Variants in PABPC4L observed in about 807,000 individuals in gnomAD.
PABPC4L encodes polyadenylate-binding protein 4-like.
For synonymous variants in PABPC4L, 169 were observed against 164.1 expected, an observed-to-expected ratio of 1.03 and a Z score of -0.23; for missense variants, 452 against 451.4, an observed-to-expected ratio of 1.00 and a Z score of -0.01.
chr4:133,998,896 T>C, the PABPC4L span, among the ~76,000 whole-genome samples: 3 of 152,168 alleles, frequency 2.0e-5, no homozygotes, highest in Non-Finnish European at 2.9e-5. Context: ...ACTAAGTTGC[T>C]TGGGTAAACA....
the PABPC4L span, among the ~76,000 whole-genome samples, chr4:134,103,731 T>C: frequency 1.3e-5 from 2 of 151,750 alleles, no homozygotes; most frequent in South Asian, 4.1e-4. Flanking sequence ...ACTATTCTGT[T>C]TCCATGACTA....
In PABPC4L at chr4:134,197,860, C is replaced by T. The variant is rs1398685757; in HGVS notation, c.*2047G>A. ...ACAATGACAATGGAAATGTAAGTGC[C>T]ACAAGTATTCTGGACAGCATTTAAG... On this transcript the variant is annotated 3_prime_UTR_variant, in exon 2 of 2. Coordinates refer to ENST00000421491, the MANE Select transcript of PABPC4L (RefSeq NM_001114734.2). 2 of 151,674 alleles carry T rather than the reference C, an allele frequency of 1.3e-5. No individual in the cohort carries two copies. The highest frequency in any genetic ancestry group is 3.0e-5 in the Non-Finnish European group (2 of 67,696). 9.4% of individuals were successfully genotyped at this position (151,674 alleles called of 1,614,324 possible).
the PABPC4L span, among the ~76,000 whole-genome samples, chr4:134,041,108 AC>A: frequency 6.6e-6 from 1 of 152,250 alleles, no homozygotes; most frequent in East Asian, 1.9e-4. Flanking sequence ...AAATGGGAAC[AC>A]TTTTACACTG....
At chr4:134,124,230 A>T in the PABPC4L span, among the ~76,000 whole-genome samples, 1 of 152,024 alleles carries the variant, frequency 6.6e-6, no homozygotes, top group Non-Finnish European at 1.5e-5. Flanking sequence ...GGGACAAAGC[A>T]CTCAGGGTAC....
At position 134,199,881 on chromosome 4, in the gene PABPC4L, T is replaced by C. The variant is rs1729788717; in HGVS notation, c.*26A>G. On this transcript the variant is annotated 3_prime_UTR_variant, in exon 2 of 2. Coordinates refer to ENST00000421491, the MANE Select transcript of PABPC4L (RefSeq NM_001114734.2). ...TCATTCTCCCACCTGCTGCAGATAC[T>C]AGCTGGAAAGGTACGTTTTTCTTTC... The C allele has an allele frequency of 1.3e-6, 2 of 1,547,162 alleles. No individual in the cohort carries two copies. The highest frequency in any genetic ancestry group is 1.2e-5 in the South Asian group (1 of 83,220).
chr4:134,004,801 T>C, the PABPC4L span, among the ~76,000 whole-genome samples: 1 of 151,908 alleles, frequency 6.6e-6, no homozygotes, highest in South Asian at 2.1e-4. Context: ...GGAAATCTTA[T>C]TTCCAACAAC....
At chr4:133,987,905 T>A in the PABPC4L span, among the ~76,000 whole-genome samples, 1 of 152,188 alleles carries the variant, frequency 6.6e-6, no homozygotes, top group Non-Finnish European at 1.5e-5. Flanking sequence ...ACTGCAGGGC[T>A]AGGGAGGCCT....
chr4:134,154,632 A>AT, the PABPC4L span, among the ~76,000 whole-genome samples: 3 of 151,114 alleles, frequency 2.0e-5, no homozygotes, highest in Admixed American at 6.6e-5. Context: ...GGCTGGTAAG[A>AT]TTTTTTTTTC....
chr4:134,171,563 C>G, the PABPC4L span, among the ~76,000 whole-genome samples: 1 of 152,182 alleles, frequency 6.6e-6, no homozygotes, highest in East Asian at 1.9e-4. Flanking sequence ...CAGCCAACAT[C>G]ATACTAAATG....
At chr4:133,968,375 GATAA>G in the PABPC4L span, among the ~76,000 whole-genome samples, 1 of 152,172 alleles carries the variant, frequency 6.6e-6, no homozygotes, top group Non-Finnish European at 1.5e-5. Flanking sequence ...TTGACAACGT[GATAA>G]ATGTCAAGTT....
the PABPC4L span, among the ~76,000 whole-genome samples, chr4:134,072,588 T>C: frequency 2.0e-5 from 3 of 152,202 alleles, no homozygotes; most frequent in Admixed American, 2.0e-4. Context: ...AAAGAATGTA[T>C]ATGGTTCTCA....
At chr4:134,112,604 ATCTATCTATC>A in the PABPC4L span, among the ~76,000 whole-genome samples, 3 of 151,248 alleles carry the variant, frequency 2.0e-5, no homozygotes, top group African/African-American at 7.3e-5. Context: ...CTATCTATCT[ATCTATCTATC>A]TATATATCTA....
At chr4:134,148,053 T>C in the PABPC4L span, among the ~76,000 whole-genome samples, 1 of 151,920 alleles carries the variant, frequency 6.6e-6, no homozygotes, top group East Asian at 1.9e-4. Context: ...GCTCATAGAG[T>C]GGTGTGAATT....
chr4:134,111,352 G>C, the PABPC4L span, among the ~76,000 whole-genome samples: 2 of 151,836 alleles, frequency 1.3e-5, no homozygotes, highest in African/African-American at 4.8e-5. Context: ...ATGAATTTTG[G>C]AGAGGAAAAA....
At chr4:133,970,110 TAA>T in the PABPC4L span, among the ~76,000 whole-genome samples, 29 of 148,018 alleles carry the variant, frequency 2.0e-4, no homozygotes, top group African/African-American at 6.1e-4. Context: ...TTTATTTATA[TAA>T]AATATATATA....
At chr4:133,959,698 A>T in the PABPC4L span, among the ~76,000 whole-genome samples, 3 of 152,206 alleles carry the variant, frequency 2.0e-5, no homozygotes, top group African/African-American at 7.2e-5. Flanking sequence ...ACGCACTGGG[A>T]GAAGAAATGC....
the PABPC4L span, among the ~76,000 whole-genome samples, chr4:134,038,738 G>T: frequency 1.3e-5 from 2 of 151,894 alleles, no homozygotes; most frequent in East Asian, 1.9e-4. Context: ...CTGGCTAGGG[G>T]TCTATCTATT....
the PABPC4L span, among the ~76,000 whole-genome samples, chr4:134,019,273 C>A: frequency 6.6e-6 from 1 of 152,136 alleles, no homozygotes; most frequent in Non-Finnish European, 1.5e-5. Flanking sequence ...AAAACATTTA[C>A]ATTTTGGTAA....
At chr4:134,134,827 T>C in the PABPC4L span, among the ~76,000 whole-genome samples, 1 of 151,926 alleles carries the variant, frequency 6.6e-6, no homozygotes, top group Non-Finnish European at 1.5e-5. Flanking sequence ...TCTTGTGTCT[T>C]CAATTTCCTG....
Sources: gnomAD v4.1 joint callset for allele counts (sites outside exome capture counted in the v4.1 genomes callset) on GRCh38, gnomAD v4.1.1 for gene constraint, MANE v1.5 for transcripts, NCBI Gene and HGNC (gene_info 2026-07-23, HGNC 2026-07-21) for gene names.